Variants in CACNA2D2 observed in about 807,000 individuals in gnomAD.
The protein encoded by CACNA2D2 is calcium voltage-gated channel auxiliary subunit alpha2delta 2.
Under a neutral mutation model 166.4 loss-of-function variants are expected in CACNA2D2, and 48 were observed. That is an observed-to-expected ratio of 0.29 (90% CI 0.23 to 0.37). The LOEUF is 0.37. Among genes scored for constraint, CACNA2D2 ranks in the 10% least tolerant of loss-of-function variants. CACNA2D2 has a pLI of 1.00. For missense variants in CACNA2D2, 1,122 were observed against 1,433.0 expected, an observed-to-expected ratio of 0.78 and a Z score of 3.50; for synonymous variants, 561 against 573.7, an observed-to-expected ratio of 0.98 and a Z score of 0.32.
intron 2 of CACNA2D2, among the ~76,000 whole-genome samples, chr3:50,449,045 C>T (rs1039023710): frequency 3.9e-5 from 6 of 152,098 alleles, no homozygotes; most frequent in South Asian, 4.1e-4. Context: ...TGATGGTGGG[C>T]GAGAAAAAAT....
chr3:50,381,979 C>G (rs888507816), intron 6 of CACNA2D2, among the ~76,000 whole-genome samples: 1 of 113,482 alleles, frequency 8.8e-6, no homozygotes, highest in African/African-American at 3.3e-5. Context: ...CAGATCTATC[C>G]CTACACACAC....
At chr3:50,373,714 G>A (rs902480328) in intron 22 of CACNA2D2, among the ~76,000 whole-genome samples, 5 of 140,702 alleles carry the variant, frequency 3.6e-5, no homozygotes, top group Admixed American at 3.5e-4. Flanking sequence ...TAGAGGAGAT[G>A]CAGGGAGAAG....
At chr3:50,471,115 GACGAGGGC>G (rs1005788868) in intron 2 of CACNA2D2, among the ~76,000 whole-genome samples, 2 of 152,164 alleles carry the variant, frequency 1.3e-5, no homozygotes, top group Non-Finnish European at 2.9e-5. Context: ...TACACCAGGA[GACGAGGGC>G]ACCGCTGGGC....
At chr3:50,411,101 A>G (rs1706992545) in intron 3 of CACNA2D2, among the ~76,000 whole-genome samples, 1 of 152,150 alleles carries the variant, frequency 6.6e-6, no homozygotes, top group Non-Finnish European at 1.5e-5. Flanking sequence ...CTGTGGCTCC[A>G]GGACCTATAG....
intron 3 of CACNA2D2, among the ~76,000 whole-genome samples, chr3:50,395,144 CATA>C (rs1706085859): frequency 6.6e-6 from 1 of 152,202 alleles, no homozygotes; most frequent in Admixed American, 6.5e-5. Flanking sequence ...TCCTGTCAAT[CATA>C]ATGACAACCA....
chr3:50,485,757 G>A (rs951420374), intron 1 of CACNA2D2, among the ~76,000 whole-genome samples: 1 of 152,234 alleles, frequency 6.6e-6, no homozygotes, highest in Non-Finnish European at 1.5e-5. Context: ...CCTGGTAACT[G>A]AGGCTCAGGG....
intron 5 of CACNA2D2, among the ~76,000 whole-genome samples, chr3:50,386,178 C>T (rs75418694): frequency 0.019 from 2,836 of 152,308 alleles, 222 homozygotes; most frequent in Admixed American, 0.13. Flanking sequence ...TTCGGGCAAT[C>T]TCTAGCCCCC....
chr3:50,475,190 G>A (rs558266826), intron 2 of CACNA2D2, among the ~76,000 whole-genome samples: 14 of 152,242 alleles, frequency 9.2e-5, no homozygotes, highest in African/African-American at 2.4e-4. Context: ...CTGCCCCACC[G>A]AGGTTACATC....
Position 50,362,945 on chromosome 3 carries a change from A to G in CACNA2D2, c.*1721T>C, listed in dbSNP as rs1400632955. 1 of 397,024 alleles carries G rather than the reference A, an allele frequency of 2.5e-6. No homozygotes were observed. The highest frequency in any genetic ancestry group is 3.6e-5 in the East Asian group (1 of 28,048). 24.6% of individuals were successfully genotyped at this position (397,024 alleles called of 1,614,324 possible). A position where few individuals can be genotyped will look rare whatever the true frequency, so the allele number is the denominator to read the frequency against. On this transcript the variant is annotated 3_prime_UTR_variant, in exon 38 of 38. Transcript: ENST00000424201. ...TTGTTTTTCCAACTTGTCTGTACAA[A>G]ATAGAACAACAAAAAAAGGGCAGAG...
chr3:50,456,143 A>G (rs977618295), intron 2 of CACNA2D2, among the ~76,000 whole-genome samples: 5 of 152,258 alleles, frequency 3.3e-5, no homozygotes, highest in Non-Finnish European at 2.9e-5. Context: ...AAACTGAGGC[A>G]TAGAGAAGTG....
chr3:50,372,395 A>G (rs2236948), intron 22 of CACNA2D2, among the ~76,000 whole-genome samples: 45,121 of 152,130 alleles, frequency 0.3, 9,244 homozygotes, highest in East Asian at 0.68. Flanking sequence ...AAGCCTCTGG[A>G]AGCAGCGGGC....
rs147367607 is a variant in CACNA2D2, at chr3:50,407,244, G to T, written c.406-13076C>A. 7.8e-3 allele frequency among the ~76,000 whole-genome samples: 1,181 copies of T among 151,950 alleles called. 6 individuals are homozygous for T. The highest frequency in any genetic ancestry group is 0.012 in the Non-Finnish European group (822 of 68,034). ...ACTGTCAGGCCACTGTACCATTAGG[G>T]ACAGAGCCTGGACCTGTACTGAGGC... On this transcript the variant is annotated intron_variant, in intron 3 of 37. Coordinates refer to ENST00000424201, the MANE Select transcript of CACNA2D2 (RefSeq NM_006030.4).
chr3:50,428,604 T>G (rs1707912427), intron 3 of CACNA2D2, among the ~76,000 whole-genome samples: 1 of 152,146 alleles, frequency 6.6e-6, no homozygotes, highest in African/African-American at 2.4e-5. Flanking sequence ...CCACCAATGG[T>G]GGGAACAATG....
At chr3:50,469,374 A>C (rs57544287) in intron 2 of CACNA2D2, among the ~76,000 whole-genome samples, 14,726 of 151,898 alleles carry the variant, frequency 0.097, 2,053 homozygotes, top group African/African-American at 0.31. Context: ...CCTTTGTGCC[A>C]TCTTAGGGAG....
At chr3:50,463,689 C>T (rs1183439005) in intron 2 of CACNA2D2, among the ~76,000 whole-genome samples, 1 of 152,260 alleles carries the variant, frequency 6.6e-6, no homozygotes, top group Non-Finnish European at 1.5e-5. Context: ...CCACCTCTCA[C>T]ACCCTCCCTG....
chr3:50,369,977 G>T (rs979488667), intron 23 of CACNA2D2, among the ~76,000 whole-genome samples: 2 of 152,352 alleles, frequency 1.3e-5, no homozygotes, highest in African/African-American at 4.8e-5. Context: ...AACCAGAGCA[G>T]CAGCTGCCTG....
rs150832847 is a variant in CACNA2D2, at chr3:50,364,700, G to A, written c.3398C>T (p.Pro1133Leu). Residue 1133 changes from proline (P) to leucine (L), a missense_variant, in exon 38 of 38, where the codon CCT becomes CTT. Physicochemically the swap from Pro to Leu is moderately conservative, Grantham distance 98 (BLOSUM62 -3). Coordinates refer to ENST00000424201, the MANE Select transcript of CACNA2D2 (RefSeq NM_006030.4). ...LLLGLPPRPQ[P>L]QVLVHASRRL ...GCGAGAGGCGTGGACGAGGACTTGA[G>A]GCTGCGGCCGGGGCGGCAGGCCCAG... 2.9e-3 allele frequency: 4,554 copies of A among 1,544,380 alleles called. 14 individuals are homozygous for A. The highest frequency in any genetic ancestry group is 3.6e-3 in the Non-Finnish European group (4,150 of 1,144,194).
chr3:50,484,548 T>C (rs1277382924), intron 1 of CACNA2D2, among the ~76,000 whole-genome samples: 1 of 152,162 alleles, frequency 6.6e-6, no homozygotes, highest in Non-Finnish European at 1.5e-5. Context: ...TGCTGTTCCC[T>C]CTGCCTGAAA....
At chr3:50,410,437 G>A (rs1048453600) in intron 3 of CACNA2D2, among the ~76,000 whole-genome samples, 1 of 152,076 alleles carries the variant, frequency 6.6e-6, no homozygotes. Flanking sequence ...CCTTGGGGTT[G>A]GTGTCCCTTC....
Sources: allele counts gnomAD v4.1 joint callset (sites outside exome capture counted in the v4.1 genomes callset), GRCh38; gene constraint gnomAD v4.1.1; transcripts MANE v1.5; gene names NCBI Gene and HGNC (gene_info 2026-07-23, HGNC 2026-07-21).